Variants in USP7 observed in about 807,000 individuals in gnomAD.
The protein encoded by USP7 is ubiquitin specific peptidase 7.
In USP7, 9 loss-of-function variants were observed where a neutral mutation model predicts 162.9. The ratio of observed to expected loss-of-function variants is 0.06; its 90% CI spans 0.03 to 0.10. The LOEUF (loss-of-function observed/expected upper bound fraction) is 0.10. USP7 is among the 10% of genes least tolerant of loss of function. USP7 has a pLI of 1.00. For missense variants in USP7, 715 were observed against 1,373.7 expected (o/e 0.52, Z 7.58); for synonymous variants, 562 against 475.9 (o/e 1.18, Z -2.35).
chr16:8,909,284 T>C (rs1358769051), intron 11 of USP7, among the ~76,000 whole-genome samples: 2 of 152,206 alleles, frequency 1.3e-5, no homozygotes, highest in African/African-American at 4.8e-5. Flanking sequence ...CAGACCTTCC[T>C]TCTGGCTGGA....
intron 1 of USP7, among the ~76,000 whole-genome samples, chr16:8,961,727 C>A (rs1900023962): frequency 6.6e-6 from 1 of 152,162 alleles, no homozygotes; most frequent in African/African-American, 2.4e-5. Flanking sequence ...TGAAAAGCAA[C>A]CCTCTTTTAT....
intron 1 of USP7, among the ~76,000 whole-genome samples, chr16:8,937,862 T>C (rs1036386790): frequency 2.0e-5 from 3 of 152,144 alleles, no homozygotes; most frequent in South Asian, 2.1e-4. Context: ...TCAGGAGACC[T>C]GTAGCCAGTC....
In USP7 at chr16:8,893,324, T is replaced by C. The variant is rs894439120; in HGVS notation, c.*674A>G. 1 of 152,244 alleles carries C rather than the reference T, an allele frequency of 6.6e-6. No individual in the cohort carries two copies. Among genetic ancestry groups the C allele is most frequent in the South Asian group, 2.1e-4 (1 of 4,830 alleles). The allele number at this position is 152,244 out of a possible 1,614,324, so 9.4% of individuals were successfully genotyped here. On this transcript the variant is annotated 3_prime_UTR_variant, in exon 31 of 31. Transcript: ENST00000344836. ...ACCTTAATTGAATTTAACAATGTTC[T>C]TGATTTAATAAAAAGACCCCCACAA...
intron 29 of USP7, 23 bp from the exon 30 acceptor site, chr16:8,894,663 T>G: frequency 6.2e-7 from 1 of 1,611,534 alleles, no homozygotes; most frequent in Non-Finnish European, 8.5e-7. Flanking sequence ...AAATTAAAAC[T>G]CCTCCGTTAT....
intron 1 of USP7, among the ~76,000 whole-genome samples, chr16:8,955,380 G>T (rs1021070066): frequency 7.2e-5 from 11 of 152,006 alleles, no homozygotes; most frequent in Non-Finnish European, 1.2e-4. Context: ...AAAGTGCTGG[G>T]ATTACAGGCA....
chr16:8,896,107 G>A (rs930705337), intron 26 of USP7, among the ~76,000 whole-genome samples: 60 of 150,886 alleles, frequency 4.0e-4, no homozygotes, highest in Non-Finnish European at 5.9e-4. Context: ...CCGAAGTGCT[G>A]GGATTATAGG....
chr16:8,944,620 C>T (rs1899196093), intron 1 of USP7, among the ~76,000 whole-genome samples: 2 of 152,288 alleles, frequency 1.3e-5, no homozygotes, highest in East Asian at 1.9e-4. Flanking sequence ...AACAACCTAG[C>T]ACAGAAAGAA....
chr16:8,956,747 A>C (rs999843250), intron 1 of USP7, among the ~76,000 whole-genome samples: 3 of 151,274 alleles, frequency 2.0e-5, no homozygotes, highest in Admixed American at 6.6e-5. Context: ...TGGGTAACGA[A>C]TTAAGACTTC....
intron 1 of USP7, among the ~76,000 whole-genome samples, chr16:8,939,278 C>T (rs1898921288): frequency 6.6e-6 from 1 of 152,208 alleles, no homozygotes. Context: ...CGTGCTCCCC[C>T]ATTATCCCCG....
Position 8,915,844 on chromosome 16 carries a change from G to A in USP7, c.907-319C>T, listed in dbSNP as rs1038720028. Among the ~76,000 whole-genome samples, 28 of 152,112 alleles carry A rather than the reference G, an allele frequency of 1.8e-4. No individual in the cohort carries two copies. In the East Asian group the frequency reaches 2.3e-3, roughly 13 times the overall value. ...TAAAATTGTTCACTAAACTTAACTC[G>A]TAATGGTCCACACCAAGAGATTAAT... On this transcript the variant is annotated intron_variant, in intron 8 of 30. Coordinates refer to ENST00000344836, the MANE Select transcript of USP7 (RefSeq NM_003470.3).
intron 13 of USP7, among the ~76,000 whole-genome samples, chr16:8,906,147 A>G (rs993458651): frequency 6.6e-5 from 10 of 152,254 alleles, no homozygotes; most frequent in Admixed American, 1.3e-4. Flanking sequence ...TTATCCCACG[A>G]GCATTCAGAA....
chr16:8,926,286 T>G (rs758917003), intron 2 of USP7, among the ~76,000 whole-genome samples: 1 of 152,122 alleles, frequency 6.6e-6, no homozygotes, highest in Non-Finnish European at 1.5e-5. Flanking sequence ...GAGACCAGCC[T>G]GCCCAACATG....
At chr16:8,900,262 G>A (rs2061753126) in intron 21 of USP7, 1 of 366,986 alleles carries the variant, frequency 2.7e-6, no homozygotes, top group South Asian at 4.9e-5. Flanking sequence ...CTCAGGGGAA[G>A]GAAGCAATTG....
At chr16:8,945,018 AAGGCAGATGAAAGACCTGAGGTC>A (rs1157943572) in intron 1 of USP7, among the ~76,000 whole-genome samples, 1 of 152,158 alleles carries the variant, frequency 6.6e-6, no homozygotes, top group Non-Finnish European at 1.5e-5. Flanking sequence ...TTGGGAGACC[AAGGCAGATGAAAGACCTGAGGTC>A]AGGAGTTCAA....
intron 10 of USP7, among the ~76,000 whole-genome samples, chr16:8,913,897 T>C (rs1403914996): frequency 6.6e-6 from 1 of 151,850 alleles, no homozygotes; most frequent in Non-Finnish European, 1.5e-5. Flanking sequence ...TACAGGTGCA[T>C]GCCACCACGC....
At chr16:8,906,370 G>C (rs2061860832) in intron 13 of USP7, 56 bp downstream of exon 13, 2 of 1,581,832 alleles carry the variant, frequency 1.3e-6, no homozygotes, top group Admixed American at 1.8e-5. Context: ...GGCTGAAGCA[G>C]AGCTTGTGTT....
At chr16:8,917,723 C>CA (rs1171452626) in intron 6 of USP7, among the ~76,000 whole-genome samples, 1 of 151,952 alleles carries the variant, frequency 6.6e-6, no homozygotes, top group Admixed American at 6.5e-5. Context: ...AAAAAGTAAA[C>CA]AAAAAACAAA....
At position 8,911,379 on chromosome 16, in the gene USP7, AT is replaced by A. The variant is rs1208237615; in HGVS notation, c.1079-553del. ...CATAAAAAGCAAACAAGGACACACT[AT>A]TTCCCTAAAATTAAGAATGGTAACA... is the stretch of plus-strand genomic sequence containing the variant. On this transcript the variant is annotated intron_variant, in intron 10 of 30. Transcript: ENST00000344836. 4.6e-5 allele frequency among the ~76,000 whole-genome samples: 7 copies of A among 152,314 alleles called. No homozygotes were observed. The East Asian group carries it at 1.2e-3, about 25-fold the overall frequency.
intron 10 of USP7, among the ~76,000 whole-genome samples, chr16:8,913,016 G>T (rs2061972949): frequency 6.6e-6 from 1 of 152,066 alleles, no homozygotes; most frequent in Non-Finnish European, 1.5e-5. Flanking sequence ...ACCTCAGGCA[G>T]CCAGAATCAA....
Sources: gnomAD v4.1 joint callset for allele counts (sites outside exome capture counted in the v4.1 genomes callset) on GRCh38, gnomAD v4.1.1 for gene constraint, MANE v1.5 for transcripts, NCBI Gene and HGNC (gene_info 2026-07-23, HGNC 2026-07-21) for gene names.